The following TMTC2 variants were observed in gnomAD, a reference collection of about 807,000 sequenced individuals.
The protein encoded by TMTC2 is transmembrane O-mannosyltransferase targeting cadherins 2.
In TMTC2, 43 loss-of-function variants were observed where a neutral mutation model predicts 82.4. That is an observed-to-expected ratio of 0.52 (90% confidence interval 0.41 to 0.67). The LOEUF (loss-of-function observed/expected upper bound fraction) is 0.67, where lower values mean the gene tolerates loss of function less well. TMTC2 is among the 30% of genes least tolerant of loss of function. TMTC2 has a pLI of 0.00. For missense variants in TMTC2, 919 were observed against 1,012.4 expected, an observed-to-expected ratio of 0.91 and a Z score of 1.25; for synonymous variants, 408 against 381.9, an observed-to-expected ratio of 1.07 and a Z score of -0.80.
At chr12:82,742,074 C>G (rs1875440168) in intron 1 of TMTC2, among the ~76,000 whole-genome samples, 1 of 152,130 alleles carries the variant, frequency 6.6e-6, no homozygotes, top group Admixed American at 6.5e-5. Context: ...CCACTGCGTA[C>G]CATGTGGAGG....
At chr12:82,943,569 G>A (rs529685560) in intron 4 of TMTC2, among the ~76,000 whole-genome samples, 2 of 152,202 alleles carry the variant, frequency 1.3e-5, no homozygotes, top group Non-Finnish European at 2.9e-5. Context: ...CACTGTGATT[G>A]ATTTTACAGT....
At position 82,845,341 on chromosome 12, in the gene TMTC2, A is replaced by C. The variant is rs536657476; in HGVS notation, c.84-11669A>C. Among the ~76,000 whole-genome samples, 491 of 149,502 alleles carry C rather than the reference A, an allele frequency of 3.3e-3. 2 individuals are homozygous for C. Among genetic ancestry groups the C allele is most frequent in the South Asian group, 6.1e-3 (29 of 4,764 alleles). On this transcript the variant is annotated intron_variant, in intron 1 of 11. Transcript: ENST00000321196. ...TCCTCAAGACCTTATTGTAGGGGAA[A>C]CATAGTATTAGATGTAAAAATTTTG...
chr12:82,800,641 T>A (rs1233992374), intron 1 of TMTC2, among the ~76,000 whole-genome samples: 1 of 152,102 alleles, frequency 6.6e-6, no homozygotes, highest in Non-Finnish European at 1.5e-5. Context: ...AAAATTTGAG[T>A]TTTAGTGTTT....
At chr12:82,964,757 GA>G in intron 4 of TMTC2, among the ~76,000 whole-genome samples, 1 of 152,194 alleles carries the variant, frequency 6.6e-6, no homozygotes, top group Non-Finnish European at 1.5e-5. Context: ...AAGACAGCTA[GA>G]AAAGGGGAAA....
chr12:83,079,408 A>G (rs954450735), intron 11 of TMTC2, among the ~76,000 whole-genome samples: 1 of 152,188 alleles, frequency 6.6e-6, no homozygotes, highest in African/African-American at 2.4e-5. Context: ...TTTCTTTTAA[A>G]TAGATAGTGC....
At chr12:83,086,588 T>C (rs929672309) in intron 11 of TMTC2, among the ~76,000 whole-genome samples, 2 of 152,186 alleles carry the variant, frequency 1.3e-5, no homozygotes, top group African/African-American at 4.8e-5. Flanking sequence ...CTCAAAGATA[T>C]GGCAAGTTCA....
At chr12:82,849,833 A>C (rs571049122) in intron 1 of TMTC2, among the ~76,000 whole-genome samples, 2 of 152,214 alleles carry the variant, frequency 1.3e-5, no homozygotes, top group South Asian at 2.1e-4. Context: ...AATTGCCTTT[A>C]TCTCCTTGAT....
intron 11 of TMTC2, among the ~76,000 whole-genome samples, chr12:83,084,933 T>C (rs960945295): frequency 3.3e-5 from 5 of 152,248 alleles, no homozygotes; most frequent in Admixed American, 2.0e-4. Context: ...TGGCTAAGCC[T>C]GCATGCTTTC....
chr12:82,824,405 G>A (rs1219240311), intron 1 of TMTC2, among the ~76,000 whole-genome samples: 1 of 152,178 alleles, frequency 6.6e-6, no homozygotes, highest in Non-Finnish European at 1.5e-5. Flanking sequence ...TAATAATTTG[G>A]TTCAGGATTA....
intron 1 of TMTC2, among the ~76,000 whole-genome samples, chr12:82,837,792 G>T (rs1042054874): frequency 2.0e-5 from 3 of 152,144 alleles, no homozygotes; most frequent in African/African-American, 7.2e-5. Flanking sequence ...CTGCTTTATT[G>T]TGTATTATTC....
At chr12:82,813,150 C>A (rs572160765) in intron 1 of TMTC2, among the ~76,000 whole-genome samples, 1 of 152,108 alleles carries the variant, frequency 6.6e-6, no homozygotes, top group Non-Finnish European at 1.5e-5. Flanking sequence ...AATACTTATG[C>A]CAATATGTAT....
intron 3 of TMTC2, among the ~76,000 whole-genome samples, chr12:82,927,066 T>C (rs1875760489): frequency 6.6e-6 from 1 of 152,218 alleles, no homozygotes; most frequent in Admixed American, 6.5e-5. Flanking sequence ...TTTCAAGTCT[T>C]CTAATTTAAG....
chr12:82,794,511 T>C (rs940017396), intron 1 of TMTC2, among the ~76,000 whole-genome samples: 4 of 152,062 alleles, frequency 2.6e-5, no homozygotes, highest in Non-Finnish European at 5.9e-5. Context: ...ATTTTGCTGG[T>C]TGTGTGTGTG....
chr12:83,099,628 G>C (rs1451848683), intron 11 of TMTC2, among the ~76,000 whole-genome samples: 3 of 151,906 alleles, frequency 2.0e-5, no homozygotes. Context: ...CTCCTGAGAT[G>C]CCTCCTGAGA....
At chr12:82,991,151 C>A (rs1044394304) in intron 8 of TMTC2, among the ~76,000 whole-genome samples, 2 of 152,068 alleles carry the variant, frequency 1.3e-5, no homozygotes, top group Admixed American at 6.5e-5. Context: ...AGTCATTTCA[C>A]TACTAAACAG....
intron 1 of TMTC2, among the ~76,000 whole-genome samples, chr12:82,714,824 T>C (rs1396357220): frequency 6.6e-6 from 1 of 152,192 alleles, no homozygotes; most frequent in Non-Finnish European, 1.5e-5. Context: ...CTGAGATTGC[T>C]TCTCAGTTTA....
chr12:82,876,156 A>ATTAGTAATGGTGGTGGTGGTGGTG (rs1872560887), intron 2 of TMTC2, among the ~76,000 whole-genome samples: 3 of 114,962 alleles, frequency 2.6e-5, no homozygotes, highest in African/African-American at 4.8e-5. Context: ...TGGTGGTGGT[A>ATTAGTAATGGTGGTGGTGGTGGTG]GTGGTGGTAG....
At chr12:82,990,235 G>C (rs1416326728) in intron 8 of TMTC2, among the ~76,000 whole-genome samples, 1 of 152,136 alleles carries the variant, frequency 6.6e-6, no homozygotes, top group Non-Finnish European at 1.5e-5. Context: ...AACTATATTA[G>C]ACTTAGACTG....
intron 4 of TMTC2, among the ~76,000 whole-genome samples, chr12:82,951,746 AAG>A (rs1877358532): frequency 6.6e-6 from 1 of 152,214 alleles, no homozygotes; most frequent in Non-Finnish European, 1.5e-5. Context: ...CTTTCACAGC[AAG>A]TGTGTTAAGC....
Sources: gnomAD v4.1 joint callset for allele counts (sites outside exome capture counted in the v4.1 genomes callset) on GRCh38, gnomAD v4.1.1 for gene constraint, MANE v1.5 for transcripts, NCBI Gene and HGNC (gene_info 2026-07-23, HGNC 2026-07-21) for gene names.